Variants in SLC25A48 observed in about 807,000 individuals in gnomAD.
The protein encoded by SLC25A48 is CTC-321K16.1.
Under a neutral mutation model 32.2 loss-of-function variants are expected in SLC25A48, and 29 were observed. The ratio of observed to expected loss-of-function variants is 0.90; its 90% CI spans 0.67 to 1.23. The LOEUF is 1.23. Among genes scored for constraint, SLC25A48 ranks in the 50% most tolerant of loss-of-function variants. The pLI is 0.00. For synonymous variants in SLC25A48, 164 were observed against 172.3 expected (o/e 0.95, Z 0.38); for missense variants, 399 against 422.7 (o/e 0.94, Z 0.49).
chr5:135,815,412 C>T (rs1757690966), intron 4 of SLC25A48, among the ~76,000 whole-genome samples: 1 of 152,164 alleles, frequency 6.6e-6, no homozygotes, highest in Non-Finnish European at 1.5e-5. Context: ...AGCTGCTCAC[C>T]TCCTGCTGTG....
Position 135,836,959 on chromosome 5 carries a change from TCCCCCCCCCCAC to T in SLC25A48, c.46+2077_46+2088del, listed in dbSNP as rs769639014. 6.8e-3 allele frequency among the ~76,000 whole-genome samples: 169 copies of T among 24,844 alleles called. 3 individuals are homozygous for T. Among genetic ancestry groups the T allele is most frequent in the Middle Eastern group, 0.05 (2 of 40 alleles). 16.3% of individuals were successfully genotyped at this position (24,844 alleles called of 152,430 possible). A position where few individuals can be genotyped will look rare whatever the true frequency, so the allele number is the denominator to read the frequency against. The stretch of plus-strand genomic sequence containing the variant: ...AAATTTTGCCCTTTTTTTGATATTA[TCCCCCCCCCCAC>T]CCCCCCCCCCCACACACACACACAT... On this transcript the variant is annotated intron_variant, in intron 1 of 7. Coordinates refer to ENST00000681962, the MANE Select transcript of SLC25A48 (RefSeq NM_001349336.2).
At chr5:135,804,272 TCCC>T (rs1394158708) in intron 3 of SLC25A48, among the ~76,000 whole-genome samples, 1 of 151,660 alleles carries the variant, frequency 6.6e-6, no homozygotes, top group Non-Finnish European at 1.5e-5. Flanking sequence ...GTGTAATATC[TCCC>T]TAAGATATTA....
intron 3 of SLC25A48, among the ~76,000 whole-genome samples, chr5:135,776,266 T>C (rs11950987): frequency 0.76 from 107,757 of 142,282 alleles, 41,387 homozygotes; most frequent in Middle Eastern, 0.86. Context: ...TCCTCATATC[T>C]GGGGGGTGGG....
chr5:135,866,466 G>A (rs1286596056), intron 4 of SLC25A48, among the ~76,000 whole-genome samples: 2 of 152,232 alleles, frequency 1.3e-5, no homozygotes, highest in Non-Finnish European at 2.9e-5. Context: ...TTCTGGAAAA[G>A]GGGCAATAGT....
chr5:135,581,000 G>A (rs377505306), intron 1 of SLC25A48, among the ~76,000 whole-genome samples: 18 of 152,334 alleles, frequency 1.2e-4, no homozygotes, highest in Admixed American at 5.2e-4. Flanking sequence ...AATTGCCTGA[G>A]TATGCATCCT....
intron 4 of SLC25A48, chr5:135,824,659 T>G (rs927027605): frequency 6.6e-6 from 1 of 152,242 alleles, no homozygotes; most frequent in Non-Finnish European, 1.5e-5. Context: ...GACTCAGAAC[T>G]GCTCAGTGGG....
intron 3 of SLC25A48, among the ~76,000 whole-genome samples, chr5:135,684,216 G>A (rs1753964960): frequency 1.3e-5 from 2 of 152,136 alleles, no homozygotes; most frequent in Admixed American, 1.3e-4. Flanking sequence ...CAATATTCCA[G>A]ATTCTTGCAT....
intron 3 of SLC25A48, among the ~76,000 whole-genome samples, chr5:135,740,762 T>G (rs945452710): frequency 9.2e-5 from 14 of 152,184 alleles, no homozygotes; most frequent in African/African-American, 1.4e-4. Context: ...TGGGGTGGAC[T>G]CTGTCAGAAA....
At chr5:135,728,049 A>G (rs1212353512) in intron 3 of SLC25A48, among the ~76,000 whole-genome samples, 1 of 152,100 alleles carries the variant, frequency 6.6e-6, no homozygotes, top group Non-Finnish European at 1.5e-5. Context: ...TGAGGTCAGG[A>G]GTTTTGAGAC....
At chr5:135,815,990 C>T (rs1455394470) in intron 4 of SLC25A48, among the ~76,000 whole-genome samples, 1 of 152,202 alleles carries the variant, frequency 6.6e-6, no homozygotes, top group Non-Finnish European at 1.5e-5. Flanking sequence ...TTAATTGACT[C>T]ACAGTTCCAT....
chr5:135,722,091 G>A (rs1267106607), intron 3 of SLC25A48, among the ~76,000 whole-genome samples: 9 of 152,218 alleles, frequency 5.9e-5, no homozygotes, highest in Admixed American at 2.6e-4. Context: ...TGGTTTTGCC[G>A]TTGTTGTCAA....
chr5:135,676,853 A>T (rs1753783152), intron 3 of SLC25A48, among the ~76,000 whole-genome samples: 1 of 151,970 alleles, frequency 6.6e-6, no homozygotes, highest in Non-Finnish European at 1.5e-5. Context: ...AAATTTGTTG[A>T]GATTTGTTTT....
upstream of SLC25A48, among the ~76,000 whole-genome samples, chr5:135,834,091 C>T (rs1758314351): frequency 6.6e-6 from 1 of 152,204 alleles, no homozygotes; most frequent in South Asian, 2.1e-4. Context: ...GCACAGCAGG[C>T]CACTTCTCCA....
At chr5:135,704,552 T>A (rs1450224232) in intron 3 of SLC25A48, among the ~76,000 whole-genome samples, 1 of 152,186 alleles carries the variant, frequency 6.6e-6, no homozygotes. Context: ...CATGTAAGGG[T>A]CAGATAGGAC....
At chr5:135,840,194 G>A (rs115461636) in intron 1 of SLC25A48, among the ~76,000 whole-genome samples, 1,977 of 152,168 alleles carry the variant, frequency 0.013, 43 homozygotes, top group African/African-American at 0.045. Context: ...AAATTCTATG[G>A]TGACATCACT....
intron 1 of SLC25A48, among the ~76,000 whole-genome samples, chr5:135,596,940 GTGACCT>G (rs1290914317): frequency 2.0e-5 from 3 of 152,132 alleles, no homozygotes; most frequent in Admixed American, 2.0e-4. Context: ...GACTAGCTGT[GTGACCT>G]TGGGTGAGAG....
intron 1 of SLC25A48, among the ~76,000 whole-genome samples, chr5:135,597,783 C>T (rs1751689017): frequency 6.6e-6 from 1 of 152,176 alleles, no homozygotes; most frequent in Non-Finnish European, 1.5e-5. Context: ...GTGGGCGGAT[C>T]ACCTGAGGTC....
At chr5:135,588,045 G>C (rs954523639) in intron 1 of SLC25A48, among the ~76,000 whole-genome samples, 2 of 152,230 alleles carry the variant, frequency 1.3e-5, no homozygotes, top group Non-Finnish European at 2.9e-5. Flanking sequence ...AATTCAAGAG[G>C]CTCAGAACCA....
At chr5:135,765,075 A>G (rs34246154) in intron 3 of SLC25A48, among the ~76,000 whole-genome samples, 46,692 of 151,540 alleles carry the variant, frequency 0.31, 7,381 homozygotes, top group East Asian at 0.46. Context: ...CAGGGGGAGA[A>G]AGGGTGATAT....
Sources: allele counts gnomAD v4.1 joint callset (sites outside exome capture counted in the v4.1 genomes callset), GRCh38; gene constraint gnomAD v4.1.1; transcripts MANE v1.5; gene names NCBI Gene and HGNC (gene_info 2026-07-23, HGNC 2026-07-21).